CD72: variants seen among roughly 807,000 people sequenced by gnomAD.
CD72 encodes B-cell differentiation antigen CD72.
Under a neutral mutation model 50.7 loss-of-function variants are expected in CD72, and 28 were observed. The ratio of observed to expected loss-of-function variants is 0.55; its 90% CI spans 0.41 to 0.76. CD72 has a LOEUF of 0.76. Ranked by LOEUF, CD72 falls within the 30% of genes least tolerant of loss-of-function variation. The pLI, the probability that CD72 is intolerant of heterozygous loss-of-function variation, is 0.00. For missense variants in CD72, 403 were observed against 420.6 expected (o/e 0.96, Z 0.37); for synonymous variants, 176 against 171.2 (o/e 1.03, Z -0.22).
At chr9:35,636,688 C>T (rs1017562607) in intron 1 of CD72, among the ~76,000 whole-genome samples, 5 of 152,168 alleles carry the variant, frequency 3.3e-5, no homozygotes, top group Admixed American at 2.6e-4. Context: ...CAGTGCCTCA[C>T]GCCTGTAATC....
chr9:35,618,056 C>T lies in CD72; in HGVS notation c.148G>A (p.Val50Met), dbSNP rs35185125. The change falls in exon 2 of 9, where the codon GTG becomes ATG. Residue 50 changes from valine (V) to methionine (M), a missense_variant. Coordinates refer to ENST00000259633, the MANE Select transcript of CD72 (RefSeq NM_001782.3). ...ENVQVPAVLGVPSSLASSVLG... is the reference protein window; with the variant it reads ...ENVQVPAVLGMPSSLASSVLG... ...ACAGAAGAAGCCAAGCTTGAGGGCACCCCTAGGACTGCGGGCACTTGAACA... is the reference window on the plus strand; with the variant it reads ...ACAGAAGAAGCCAAGCTTGAGGGCATCCCTAGGACTGCGGGCACTTGAACA... 27 of 1,613,946 alleles carry T rather than the reference C, an allele frequency of 1.7e-5. No homozygotes were observed. The highest frequency in any genetic ancestry group is 2.2e-5 in the Non-Finnish European group (26 of 1,179,848).
At chr9:35,618,899 G>A, upstream of CD72, 1 of 496,818 alleles carries the variant, frequency 2.0e-6, no homozygotes, top group East Asian at 7.2e-5. Flanking sequence ...AAGAGCCATG[G>A]CTGCAGCACC....
chr9:35,635,831 G>T (rs1052272112), intron 1 of CD72, among the ~76,000 whole-genome samples: 2 of 152,172 alleles, frequency 1.3e-5, no homozygotes, highest in African/African-American at 4.8e-5. Flanking sequence ...GGAGCCCAGA[G>T]GAGCCCACTT....
At chr9:35,619,542 G>A (rs1823124119), upstream of CD72, 1 of 152,278 alleles carries the variant, frequency 6.6e-6, no homozygotes, top group Admixed American at 6.5e-5. Flanking sequence ...GATTGGTGGT[G>A]TGTGGCAGGA....
intron 1 of CD72, among the ~76,000 whole-genome samples, chr9:35,644,631 G>T (rs987874532): frequency 6.6e-6 from 1 of 152,196 alleles, no homozygotes; most frequent in Non-Finnish European, 1.5e-5. Context: ...GGCCAGATCT[G>T]TCAGCCTCCT....
At chr9:35,611,548 A>G (rs771795888) in intron 7 of CD72, among the ~76,000 whole-genome samples, 10 of 152,156 alleles carry the variant, frequency 6.6e-5, no homozygotes, top group Non-Finnish European at 1.5e-4. Flanking sequence ...CTCCCCCTAA[A>G]AGATAGCGTA....
chr9:35,615,711 C>T (rs1158552837), intron 5 of CD72, among the ~76,000 whole-genome samples: 1 of 150,304 alleles, frequency 6.7e-6, no homozygotes, highest in Non-Finnish European at 1.5e-5. Flanking sequence ...TGGCTGCCAT[C>T]CTCCTCTCCC....
chr9:35,614,024 A>C (rs910898133), intron 5 of CD72, among the ~76,000 whole-genome samples: 7 of 152,078 alleles, frequency 4.6e-5, no homozygotes, highest in Non-Finnish European at 7.4e-5. Flanking sequence ...GCCTCAAAAA[A>C]AAAAAAAAAG....
At chr9:35,624,012 G>A (rs1055268910), upstream of CD72, among the ~76,000 whole-genome samples, 61 of 151,764 alleles carry the variant, frequency 4.0e-4, no homozygotes, top group African/African-American at 1.4e-3. Context: ...GGTGGATCAC[G>A]ACCAGCCTGA....
At chr9:35,631,598 A>C (rs527682521) in intron 1 of CD72, among the ~76,000 whole-genome samples, 22 of 152,286 alleles carry the variant, frequency 1.4e-4, no homozygotes, top group African/African-American at 5.3e-4. Context: ...TGACCAGTTT[A>C]AACGGCATAG....
Position 35,640,353 on chromosome 9 carries a change from G to A in CD72, n.408+6050C>T, listed in dbSNP as rs974836530. ...AGAGCTCCCAAGATGGTGGTGAGCC[G>A]CTTCCAAGATGGTGGCAAGCCTTGT... is the stretch of plus-strand genomic sequence containing the variant. On this transcript the variant is annotated intron_variant and non_coding_transcript_variant, in intron 1 of 3. Coordinates refer to the CD72 transcript ENST00000465754. 4.6e-5 allele frequency among the ~76,000 whole-genome samples: 7 copies of A among 152,164 alleles called. 1 individual carries two copies. Among genetic ancestry groups the A allele is most frequent in the South Asian group, 4.1e-4 (2 of 4,828 alleles).
At chr9:35,613,603 A>G (rs555225155) in intron 5 of CD72, among the ~76,000 whole-genome samples, 2 of 152,208 alleles carry the variant, frequency 1.3e-5, no homozygotes, top group South Asian at 2.1e-4. Flanking sequence ...TTCATCACTC[A>G]AAAATCATTC....
chr9:35,634,125 T>A (rs1466522598), intron 1 of CD72, among the ~76,000 whole-genome samples: 1 of 152,184 alleles, frequency 6.6e-6, no homozygotes, highest in African/African-American at 2.4e-5. Context: ...AAAGTTTTTT[T>A]ATATTGTTGT....
chr9:35,626,753 A>C (rs1168960973), intron 1 of CD72, among the ~76,000 whole-genome samples: 2 of 152,230 alleles, frequency 1.3e-5, no homozygotes, highest in Non-Finnish European at 2.9e-5. Flanking sequence ...GATGATCATT[A>C]ACATTTTTTA....
chr9:35,620,471 CAAA>C (rs1043285697), upstream of CD72, among the ~76,000 whole-genome samples: 3 of 112,884 alleles, frequency 2.7e-5, no homozygotes, highest in Admixed American at 9.1e-5. Context: ...GCTCCATCTC[CAAA>C]AAAAAAAAAA....
intron 2 of CD72, among the ~76,000 whole-genome samples, chr9:35,617,609 C>A (rs950922757): frequency 6.6e-6 from 1 of 152,124 alleles, no homozygotes; most frequent in East Asian, 1.9e-4. Context: ...GAACTCATCC[C>A]CCACAGGGCT....
chr9:35,646,073 T>C (rs1823389563), intron 1 of CD72, among the ~76,000 whole-genome samples: 1 of 150,852 alleles, frequency 6.6e-6, no homozygotes, highest in Non-Finnish European at 1.5e-5. Context: ...GGCAGGAGAA[T>C]CTCTTGAACC....
At chr9:35,634,611 C>T (rs370188684) in intron 1 of CD72, among the ~76,000 whole-genome samples, 109 of 152,290 alleles carry the variant, frequency 7.2e-4, no homozygotes, top group Middle Eastern at 3.4e-3. Flanking sequence ...CCTCGGCCTC[C>T]GAAAGTGCTG....
At chr9:35,614,486 G>A (rs1412258137) in intron 5 of CD72, among the ~76,000 whole-genome samples, 1 of 152,206 alleles carries the variant, frequency 6.6e-6, no homozygotes, top group Non-Finnish European at 1.5e-5. Flanking sequence ...CTGAAAGAGT[G>A]GAAGATGAGG....
Sources: allele counts gnomAD v4.1 joint callset (sites outside exome capture counted in the v4.1 genomes callset), GRCh38; gene constraint gnomAD v4.1.1; transcripts MANE v1.5; gene names NCBI Gene and HGNC (gene_info 2026-07-23, HGNC 2026-07-21).